Variants in MAGI1 observed in about 807,000 individuals in gnomAD.
MAGI1 encodes membrane-associated guanylate kinase, WW and PDZ domain-containing protein 1.
In MAGI1, 58 loss-of-function variants were observed where a neutral mutation model predicts 139.9. That is an observed-to-expected ratio of 0.41 (90% CI 0.34 to 0.52). The LOEUF is 0.52. MAGI1 is among the 20% of genes least tolerant of loss of function. The probability of loss-of-function intolerance (pLI) is 0.12; values close to 1 mark genes in which losing one functional copy is unlikely to be tolerated. For missense variants in MAGI1, 1,874 were observed against 1,901.6 expected (o/e 0.99, Z 0.27); for synonymous variants, 812 against 737.9 (o/e 1.10, Z -1.63).
chr3:65,411,589 G>T (rs1344041100), intron 12 of MAGI1, among the ~76,000 whole-genome samples: 1 of 152,014 alleles, frequency 6.6e-6, no homozygotes, highest in African/African-American at 2.4e-5. Context: ...ATGCTGTGTG[G>T]GCCCTTATTT....
chr3:65,703,053 C>T (rs1488639387), intron 1 of MAGI1, among the ~76,000 whole-genome samples: 2 of 152,006 alleles, frequency 1.3e-5, no homozygotes, highest in East Asian at 3.9e-4. Flanking sequence ...GGAGAGGCAG[C>T]CCACCCTCCA....
intron 1 of MAGI1, among the ~76,000 whole-genome samples, chr3:65,634,055 A>G (rs1035620670): frequency 1.3e-5 from 2 of 152,212 alleles, no homozygotes; most frequent in African/African-American, 4.8e-5. Context: ...TGAAGCAATA[A>G]CTTTATAATC....
At chr3:65,852,420 C>G (rs1358059304) in intron 1 of MAGI1, among the ~76,000 whole-genome samples, 2 of 152,014 alleles carry the variant, frequency 1.3e-5, no homozygotes, top group African/African-American at 4.8e-5. Context: ...AAACTCTACC[C>G]AGTAGGTAAA....
At chr3:65,496,281 A>C (rs1168103906) in intron 2 of MAGI1, among the ~76,000 whole-genome samples, 6 of 151,640 alleles carry the variant, frequency 4.0e-5, no homozygotes, top group Non-Finnish European at 5.9e-5. Flanking sequence ...GGCTTCAAGC[A>C]GTCCTCCTAC....
chr3:65,635,171 TC>T (rs1370790440), intron 1 of MAGI1, among the ~76,000 whole-genome samples: 1 of 152,090 alleles, frequency 6.6e-6, no homozygotes, highest in African/African-American at 2.4e-5. Context: ...TCCAGGTGAT[TC>T]TCCCACCTCA....
At chr3:65,790,159 AC>A (rs1254062457) in intron 1 of MAGI1, among the ~76,000 whole-genome samples, 2 of 152,234 alleles carry the variant, frequency 1.3e-5, no homozygotes, top group African/African-American at 4.8e-5. Context: ...GTTTACGCTT[AC>A]CCCGATTTCA....
chr3:65,858,530 T>A (rs1452770771), intron 1 of MAGI1, among the ~76,000 whole-genome samples: 3 of 152,194 alleles, frequency 2.0e-5, no homozygotes, highest in Admixed American at 2.0e-4. Context: ...AAATAAAGAA[T>A]AACTAAATAA....
chr3:65,806,001 A>T (rs902607346), intron 1 of MAGI1, among the ~76,000 whole-genome samples: 1 of 152,216 alleles, frequency 6.6e-6, no homozygotes. Context: ...CTTAATACCT[A>T]TGTGATAGGT....
rs1034501491 is a variant in MAGI1 at position 65,855,187 on chromosome 3, C to T, written c.313+182809G>A. 4.6e-5 allele frequency among the ~76,000 whole-genome samples: 7 copies of T among 151,676 alleles called. No individual in the cohort carries two copies. In the East Asian group the frequency reaches 1.4e-3, roughly 30 times the overall value. On this transcript the variant is annotated intron_variant, in intron 1 of 22. Coordinates refer to ENST00000402939, the MANE Select transcript of MAGI1 (RefSeq NM_001033057.2). Reference sequence around the variant, plus strand: ...GACAGGATGTGCTCATTAAAAGATGCCATTATAAGCAGGAAGCCTTGTGAG... The same window carrying T: ...GACAGGATGTGCTCATTAAAAGATGTCATTATAAGCAGGAAGCCTTGTGAG...
At chr3:65,673,672 T>C (rs1340601929) in intron 1 of MAGI1, among the ~76,000 whole-genome samples, 1 of 152,180 alleles carries the variant, frequency 6.6e-6, no homozygotes, top group Non-Finnish European at 1.5e-5. Context: ...TGACATTCTC[T>C]GAAACAACAG....
intron 1 of MAGI1, among the ~76,000 whole-genome samples, chr3:65,759,892 G>A (rs181941459): frequency 3.5e-4 from 53 of 152,244 alleles, no homozygotes; most frequent in African/African-American, 1.2e-3. Flanking sequence ...CGGGGCTCTA[G>A]AATTAGCCTG....
chr3:65,771,041 T>C (rs1559866181), intron 1 of MAGI1, among the ~76,000 whole-genome samples: 1 of 151,890 alleles, frequency 6.6e-6, no homozygotes, highest in Non-Finnish European at 1.5e-5. Flanking sequence ...GTATTACAGA[T>C]TACACCTGTA....
intron 1 of MAGI1, among the ~76,000 whole-genome samples, chr3:65,622,706 G>A (rs1332354879): frequency 1.3e-5 from 2 of 151,986 alleles, no homozygotes; most frequent in East Asian, 3.9e-4. Flanking sequence ...TGCGGTTACA[G>A]GCACCCACCA....
At chr3:65,702,700 G>C (rs747141291) in intron 1 of MAGI1, among the ~76,000 whole-genome samples, 1 of 151,936 alleles carries the variant, frequency 6.6e-6, no homozygotes, top group African/African-American at 2.4e-5. Context: ...TTTTCTGTTA[G>C]GCCACCTGTA....
intron 22 of MAGI1, chr3:65,359,920 C>T: frequency 2.0e-6 from 2 of 985,368 alleles, no homozygotes; most frequent in Non-Finnish European, 1.2e-6. Flanking sequence ...GACAATGTTA[C>T]ACAGTTTCAG....
At chr3:65,995,350 T>C (rs1049209185) in intron 1 of MAGI1, among the ~76,000 whole-genome samples, 1 of 152,198 alleles carries the variant, frequency 6.6e-6, no homozygotes. Flanking sequence ...GAGTCATTAG[T>C]AGGTGAGTGG....
intron 18 of MAGI1, among the ~76,000 whole-genome samples, chr3:65,372,831 A>G (rs1942136016): frequency 6.6e-6 from 1 of 152,204 alleles, no homozygotes; most frequent in African/African-American, 2.4e-5. Flanking sequence ...GCTTCAAAGT[A>G]TCTTCTCTAG....
rs545216439 is a variant in MAGI1, at chr3:65,636,646, G to A, written c.314-14558C>T. On this transcript the variant is annotated intron_variant, in intron 1 of 22. Transcript: ENST00000402939. The stretch of plus-strand genomic sequence containing the variant: ...TTTTTTTCTTGACTAAAGAGCAAAC[G>A]GGCAACCCAAAGTTCTACAGCTTTT... 4.0e-5 allele frequency among the ~76,000 whole-genome samples: 6 copies of A among 151,774 alleles called. No individual in the cohort carries two copies. The South Asian group carries it at 8.3e-4, about 21-fold the overall frequency.
chr3:65,413,387 C>G (rs1004107907), intron 12 of MAGI1, among the ~76,000 whole-genome samples: 2 of 152,130 alleles, frequency 1.3e-5, no homozygotes, highest in Non-Finnish European at 2.9e-5. Flanking sequence ...GCAAGGCGAT[C>G]GGGCTTCAAG....
Sources: gnomAD v4.1 joint callset for allele counts (sites outside exome capture counted in the v4.1 genomes callset) on GRCh38, gnomAD v4.1.1 for gene constraint, MANE v1.5 for transcripts, NCBI Gene and HGNC (gene_info 2026-07-23, HGNC 2026-07-21) for gene names.